The following DPP10 variants were observed in gnomAD, a reference collection of about 807,000 sequenced individuals.
DPP10 encodes dipeptidyl peptidase like 10, also known as inactive dipeptidyl peptidase 10.
A neutral mutation model predicts 120.9 loss-of-function variants in DPP10; 33 were observed. The observed-to-expected ratio is 0.27, with a 90% CI of 0.21 to 0.37. The LOEUF is 0.37. Among genes scored for constraint, DPP10 ranks in the 10% least tolerant of loss-of-function variants. The pLI, the probability that DPP10 is intolerant of heterozygous loss-of-function variation, is 1.00. For synonymous variants in DPP10, 337 were observed against 326.1 expected (o/e 1.03, Z -0.36); for missense variants, 816 against 942.8 (o/e 0.87, Z 1.76).
chr2:114,627,394 T>C (rs1694593922), intron 1 of DPP10, among the ~76,000 whole-genome samples: 1 of 152,112 alleles, frequency 6.6e-6, no homozygotes, highest in Non-Finnish European at 1.5e-5. Flanking sequence ...TTGTAAATCA[T>C]ACTGTATGCT....
At chr2:115,289,505 G>GAA (rs148111691) in intron 1 of DPP10, among the ~76,000 whole-genome samples, 10 of 53,396 alleles carry the variant, frequency 1.9e-4, no homozygotes, top group South Asian at 1.0e-3. Flanking sequence ...AAAAAAAAAA[G>GAA]GAAGAAAAGA....
intron 3 of DPP10, among the ~76,000 whole-genome samples, chr2:115,375,025 G>A (rs2065683209): frequency 6.6e-6 from 1 of 152,170 alleles, no homozygotes. Context: ...CTTCACTTAT[G>A]CAAAGTTCTG....
At chr2:115,377,630 G>T (rs2065917753) in intron 3 of DPP10, among the ~76,000 whole-genome samples, 1 of 152,146 alleles carries the variant, frequency 6.6e-6, no homozygotes, top group Admixed American at 6.5e-5. Context: ...CCTTGCCCAT[G>T]CCTATGTCCT....
At chr2:114,990,071 T>G (rs1700669713) in intron 1 of DPP10, among the ~76,000 whole-genome samples, 1 of 152,186 alleles carries the variant, frequency 6.6e-6, no homozygotes, top group Non-Finnish European at 1.5e-5. Context: ...TTCTTTGAAT[T>G]AGTTGCTGTC....
At chr2:115,666,625 G>A (rs549799592) in intron 5 of DPP10, among the ~76,000 whole-genome samples, 1 of 152,274 alleles carries the variant, frequency 6.6e-6, no homozygotes, top group African/African-American at 2.4e-5. Context: ...TCCATGGTAT[G>A]TATGTACCAC....
intron 1 of DPP10, among the ~76,000 whole-genome samples, chr2:114,771,608 AC>A (rs1389791253): frequency 6.6e-6 from 1 of 152,230 alleles, no homozygotes; most frequent in Non-Finnish European, 1.5e-5. Context: ...TAGTGATAGC[AC>A]CCATAGGTGA....
chr2:115,740,881 T>A (rs1053483270), intron 9 of DPP10, among the ~76,000 whole-genome samples: 1 of 152,148 alleles, frequency 6.6e-6, no homozygotes, highest in African/African-American at 2.4e-5. Context: ...TTTTAGCTCC[T>A]AATTAAGTAA....
chr2:114,683,365 G>A lies in DPP10; in HGVS notation c.60+240527G>A, dbSNP rs556800526. ...AAAACAGAAGTGGTCTTGTCAAAAA[G>A]TAAGTGACGGAAATGGAATTCTCAC... is the stretch of plus-strand genomic sequence containing the variant. On this transcript the variant is annotated intron_variant, in intron 1 of 25. Transcript: ENST00000410059. Among the ~76,000 whole-genome samples, 3 of 151,976 alleles carry A rather than the reference G, an allele frequency of 2.0e-5. No individual in the cohort carries two copies. In the South Asian group the frequency reaches 6.2e-4, roughly 32 times the overall value.
chr2:115,604,727 A>C (rs2083585010), intron 5 of DPP10, among the ~76,000 whole-genome samples: 1 of 152,036 alleles, frequency 6.6e-6, no homozygotes, highest in Non-Finnish European at 1.5e-5. Context: ...CAGTTTTCTA[A>C]CATCGACAGT....
chr2:115,781,091 T>C, intron 16 of DPP10, 96 bp downstream of exon 16: 1 of 1,035,688 alleles, frequency 9.7e-7, no homozygotes, highest in South Asian at 2.5e-5. Flanking sequence ...GATGATTTCA[T>C]AATCTTAATT....
intron 1 of DPP10, among the ~76,000 whole-genome samples, chr2:115,133,092 C>A (rs9308708): frequency 1 from 138,636 of 138,638 alleles, 69,317 homozygotes; most frequent in Non-Finnish European, 1. Context: ...GCAAAATCTC[C>A]CAATCTATAT....
At chr2:115,167,916 T>G (rs2053023833) in intron 1 of DPP10, among the ~76,000 whole-genome samples, 1 of 152,186 alleles carries the variant, frequency 6.6e-6, no homozygotes, top group South Asian at 2.1e-4. Context: ...AAGAGTTGAA[T>G]TAGCTGCTGA....
chr2:114,824,984 C>G (rs1006608069), intron 1 of DPP10, among the ~76,000 whole-genome samples: 2 of 152,190 alleles, frequency 1.3e-5, no homozygotes, highest in Non-Finnish European at 2.9e-5. Context: ...TGGTTTGATT[C>G]ACTCAACAAG....
chr2:114,553,440 G>T (rs1573636448), intron 1 of DPP10, among the ~76,000 whole-genome samples: 1 of 152,198 alleles, frequency 6.6e-6, no homozygotes, highest in South Asian at 2.1e-4. Context: ...CAGTGCCTGG[G>T]AATAACAATG....
intron 1 of DPP10, among the ~76,000 whole-genome samples, chr2:114,715,736 G>C (rs928003924): frequency 2.6e-5 from 4 of 152,006 alleles, no homozygotes; most frequent in African/African-American, 4.8e-5. Flanking sequence ...GTCACACAGA[G>C]ACACACACAT....
intron 1 of DPP10, among the ~76,000 whole-genome samples, chr2:115,207,043 A>G (rs1037238579): frequency 6.6e-6 from 1 of 152,192 alleles, no homozygotes; most frequent in Non-Finnish European, 1.5e-5. Context: ...AAAGTGCTGT[A>G]ACTTCAACAT....
At chr2:114,771,671 A>T (rs1260262285) in intron 1 of DPP10, among the ~76,000 whole-genome samples, 2 of 152,218 alleles carry the variant, frequency 1.3e-5, no homozygotes, top group African/African-American at 2.4e-5. Context: ...CTTGTTCAAC[A>T]TCACTGGAAC....
chr2:115,841,389 G>A (rs941980989), intron 25 of DPP10, among the ~76,000 whole-genome samples: 1 of 152,098 alleles, frequency 6.6e-6, no homozygotes, highest in Non-Finnish European at 1.5e-5. Context: ...TGGTCACTCT[G>A]CTCTATGAGT....
intron 3 of DPP10, among the ~76,000 whole-genome samples, chr2:115,479,399 G>T (rs2075291473): frequency 6.6e-6 from 1 of 152,106 alleles, no homozygotes; most frequent in African/African-American, 2.4e-5. Flanking sequence ...TGGTTTCCAA[G>T]AAGTGCAGTA....
Sources: gnomAD v4.1 joint callset for allele counts (sites outside exome capture counted in the v4.1 genomes callset) on GRCh38, gnomAD v4.1.1 for gene constraint, MANE v1.5 for transcripts, NCBI Gene and HGNC (gene_info 2026-07-23, HGNC 2026-07-21) for gene names.